The following AK7 variants were observed in gnomAD, a reference collection of about 807,000 sequenced individuals.
AK7 encodes the protein adenylate kinase 7.
Under a neutral mutation model 96.6 loss-of-function variants are expected in AK7, and 78 were observed. The observed-to-expected ratio is 0.81, with a 90% CI of 0.67 to 0.97. The LOEUF (loss-of-function observed/expected upper bound fraction) is 0.97. AK7 is among the 50% of genes least tolerant of loss of function. The pLI, the probability that AK7 is intolerant of heterozygous loss-of-function variation, is 0.00. For synonymous variants in AK7, 302 were observed against 317.2 expected (o/e 0.95, Z 0.51); for missense variants, 855 against 887.9 (o/e 0.96, Z 0.47).
At chr14:96,395,287 A>G (rs937189713) in intron 1 of AK7, among the ~76,000 whole-genome samples, 1 of 152,264 alleles carries the variant, frequency 6.6e-6, no homozygotes, top group African/African-American at 2.4e-5. Context: ...GCTAGAGGAA[A>G]GAAAATGTTT....
At chr14:96,439,977 A>T (rs1369829306) in intron 6 of AK7, among the ~76,000 whole-genome samples, 1 of 152,078 alleles carries the variant, frequency 6.6e-6, no homozygotes, top group African/African-American at 2.4e-5. Context: ...TTTATTTATT[A>T]TGTATTTATT....
intron 16 of AK7, among the ~76,000 whole-genome samples, chr14:96,485,460 C>T (rs1425591658): frequency 1.3e-5 from 2 of 152,186 alleles, no homozygotes; most frequent in African/African-American, 4.8e-5. Flanking sequence ...CTGTCTGTGT[C>T]TCAGTTTCTC....
intron 14 of AK7, among the ~76,000 whole-genome samples, chr14:96,476,532 T>G (rs1013104244): frequency 1.3e-5 from 2 of 150,104 alleles, no homozygotes; most frequent in African/African-American, 4.9e-5. Context: ...AAACCATAGA[T>G]TTTTCATGTG....
At chr14:96,411,968 C>A (rs1257446096) in intron 4 of AK7, among the ~76,000 whole-genome samples, 1 of 152,232 alleles carries the variant, frequency 6.6e-6, no homozygotes, top group Admixed American at 6.5e-5. Flanking sequence ...AATTCTCCTA[C>A]TTTCCTCTCT....
In AK7 at chr14:96,487,048, G is replaced by A; in HGVS notation, c.2125G>A (p.Asp709Asn). 1 of 1,613,866 alleles carries A rather than the reference G, an allele frequency of 6.2e-7. No individual in the cohort carries two copies. The highest frequency in any genetic ancestry group is 8.5e-7 in the Non-Finnish European group (1 of 1,179,970). The part of the protein sequence containing the change: ...CCNVRPEDPV[D>N]FLAEYLFKNN... ...CAACGTCCGACCCGAAGACCCTGTTGATTTTCTGGTAACATATTTAATTTT... is the reference window on the plus strand; with the variant it reads ...CAACGTCCGACCCGAAGACCCTGTTAATTTTCTGGTAACATATTTAATTTT... Residue 709 changes from aspartate to asparagine, a missense_variant, in exon 17 of 18, where the codon GAT becomes AAT. Coordinates refer to ENST00000267584, the MANE Select transcript of AK7 (RefSeq NM_152327.5).
intron 4 of AK7, among the ~76,000 whole-genome samples, chr14:96,415,807 T>TTAATACATTAATTAATTAAATTAAA (rs1566768667): frequency 6.7e-6 from 1 of 148,876 alleles, no homozygotes; most frequent in African/African-American, 2.5e-5. Flanking sequence ...ATTAAATTAA[T>TTAATACATTAATTAATTAAATTAAA]TTAATACATT....
chr14:96,403,114 T>TTAAATAAATAAA (rs59930782), intron 2 of AK7, among the ~76,000 whole-genome samples: 4,969 of 140,268 alleles, frequency 0.035, 105 homozygotes, highest in East Asian at 0.062. Context: ...AGACTCTGTC[T>TTAAATAAATAAA]TAAATAAATA....
chr14:96,473,303 TG>T (rs1803899874), intron 14 of AK7, among the ~76,000 whole-genome samples: 1 of 151,562 alleles, frequency 6.6e-6, no homozygotes, highest in Admixed American at 6.6e-5. Context: ...CCCCAGCAGC[TG>T]GGACTACAGG....
At chr14:96,480,265 C>G (rs1454486470) in intron 15 of AK7, among the ~76,000 whole-genome samples, 3 of 152,066 alleles carry the variant, frequency 2.0e-5, no homozygotes, top group Non-Finnish European at 4.4e-5. Flanking sequence ...AACCCCATCT[C>G]TACTAAAAAT....
chr14:96,477,637 C>T (rs889298448), intron 14 of AK7, among the ~76,000 whole-genome samples: 2 of 152,204 alleles, frequency 1.3e-5, no homozygotes, highest in African/African-American at 4.8e-5. Context: ...GCTGCTTTCA[C>T]AGTTTAAAAG....
chr14:96,457,495 GC>G (rs1893998171), intron 11 of AK7, among the ~76,000 whole-genome samples: 1 of 152,074 alleles, frequency 6.6e-6, no homozygotes, highest in Non-Finnish European at 1.5e-5. Context: ...TGTTCTTGTT[GC>G]CCCCAGTTAT....
intron 1 of AK7, 105 bp from the exon 2 acceptor site, chr14:96,397,970 G>A: frequency 1.7e-6 from 2 of 1,159,522 alleles, no homozygotes; most frequent in East Asian, 4.7e-5. Flanking sequence ...TGCCTTGGTG[G>A]CACCCAGCAA....
intron 5 of AK7, among the ~76,000 whole-genome samples, chr14:96,426,248 G>A (rs143494184): frequency 6.6e-5 from 10 of 151,960 alleles, no homozygotes; most frequent in East Asian, 1.9e-4. Context: ...TATTTTAGTC[G>A]GATAACAATC....
At chr14:96,394,889 T>C (rs1441763026) in intron 1 of AK7, among the ~76,000 whole-genome samples, 1 of 152,142 alleles carries the variant, frequency 6.6e-6, no homozygotes, top group Non-Finnish European at 1.5e-5. Context: ...GGCAGGAGAA[T>C]CATTTGAACC....
At chr14:96,451,346 T>C in intron 9 of AK7, 75 bp from the exon 10 acceptor site, 1 of 1,281,112 alleles carries the variant, frequency 7.8e-7, no homozygotes, top group Non-Finnish European at 1.1e-6. Context: ...TTAATAACTG[T>C]AGTGATTTTG....
chr14:96,435,622 T>C (rs1187254385), intron 5 of AK7, among the ~76,000 whole-genome samples: 1 of 152,004 alleles, frequency 6.6e-6, no homozygotes, highest in Non-Finnish European at 1.5e-5. Context: ...AGAGTTGCAG[T>C]CCTTATGGCC....
rs544471817 is a variant in AK7, at chr14:96,478,590, C to A, written c.1681C>A (p.Arg561=). ...ATTCCTCCGGGCTCTGAGCAACTAC[C>A]GGGACATCAATATCGACGATGAGAC... ...DRFLRALSNY[R]DINIDDETVF... Residue 561 remains arginine, a synonymous_variant, in exon 15 of 18, where the codon CGG becomes AGG. Transcript: ENST00000267584. The A allele has an allele frequency of 5.0e-6, 8 of 1,614,152 alleles. No homozygotes were observed. Among genetic ancestry groups the A allele is most frequent in the Non-Finnish European group, 5.9e-6 (7 of 1,180,028 alleles).
chr14:96,481,664 C>A (rs908780171), intron 15 of AK7, among the ~76,000 whole-genome samples: 2 of 150,902 alleles, frequency 1.3e-5, no homozygotes, highest in East Asian at 2.0e-4. Context: ...ATTTAAATGT[C>A]ACAGGTCAGG....
chr14:96,395,656 G>A (rs1890022892), intron 1 of AK7, among the ~76,000 whole-genome samples: 1 of 133,402 alleles, frequency 7.5e-6, no homozygotes, highest in Non-Finnish European at 1.6e-5. Context: ...AGTGAGCTGT[G>A]ATCGCATCAC....
Sources: gnomAD v4.1 joint callset for allele counts (sites outside exome capture counted in the v4.1 genomes callset) on GRCh38, gnomAD v4.1.1 for gene constraint, MANE v1.5 for transcripts, NCBI Gene and HGNC (gene_info 2026-07-23, HGNC 2026-07-21) for gene names.